VIT: variants seen among roughly 807,000 people sequenced by gnomAD.
The protein encoded by VIT is vitrin.
In VIT, 99 loss-of-function variants were observed where a neutral mutation model predicts 78.0. The observed-to-expected ratio is 1.27, with a 90% CI of 1.08 to 1.50. The LOEUF is 1.50. Ranked by LOEUF, VIT falls within the 40% of genes most tolerant of loss-of-function variation. VIT has a pLI of 0.00. For synonymous variants in VIT, 374 were observed against 334.3 expected (o/e 1.12, Z -1.29); for missense variants, 1,126 against 875.3 (o/e 1.29, Z -3.61).
chr2:36,735,160 C>G (rs1176754080), intron 3 of VIT, among the ~76,000 whole-genome samples: 1 of 150,202 alleles, frequency 6.7e-6, no homozygotes, highest in Non-Finnish European at 1.5e-5. Flanking sequence ...GACTCTGTCT[C>G]AAAGAAAAAG....
intron 12 of VIT, among the ~76,000 whole-genome samples, chr2:36,797,395 C>T (rs1029011065): frequency 2.0e-5 from 3 of 152,114 alleles, no homozygotes; most frequent in African/African-American, 7.2e-5. Flanking sequence ...AAAGCCCAAA[C>T]TTGGGGACGG....
At chr2:36,708,750 C>T (rs1385168035) in intron 1 of VIT, among the ~76,000 whole-genome samples, 1 of 152,164 alleles carries the variant, frequency 6.6e-6, no homozygotes, top group Non-Finnish European at 1.5e-5. Context: ...CCTCCCAGTC[C>T]CCACGTTTCA....
chr2:36,812,189 C>T (rs1046504816), intron 15 of VIT, among the ~76,000 whole-genome samples: 1 of 152,102 alleles, frequency 6.6e-6, no homozygotes, highest in Non-Finnish European at 1.5e-5. Context: ...AGGGGACTGG[C>T]AGCTTAAATG....
chr2:36,760,529 C>T (rs527298242), intron 6 of VIT, among the ~76,000 whole-genome samples: 1 of 152,250 alleles, frequency 6.6e-6, no homozygotes, highest in Non-Finnish European at 1.5e-5. Flanking sequence ...GCCTCGTGGG[C>T]CATTTCTGAG....
rs118052747 is a variant in VIT at position 36,738,243 on chromosome 2, A to T, written c.119-4857A>T. On this transcript the variant is annotated intron_variant, in intron 3 of 15. Transcript: ENST00000379242. ...AGCTGCAGTTTAACTTCTTCCCTTC[A>T]GTCATGGAAGTGGCAACCAGGTGGA... 1.2e-3 allele frequency among the ~76,000 whole-genome samples: 176 copies of T among 152,298 alleles called. 1 individual carries two copies. The South Asian group carries it at 0.019, about 17-fold the overall frequency.
rs143761133 is a variant in VIT at position 36,708,116 on chromosome 2, C to CA, written c.-18-8237_-18-8236insA. Reference sequence around the variant, plus strand: ...CACCACATTGTAAAGGACCTCCCCCCCCCGCCCACCTAGTGCCAGCTTCCT... The same window carrying CA: ...CACCACATTGTAAAGGACCTCCCCCCACCCGCCCACCTAGTGCCAGCTTCCT... On this transcript the variant is annotated intron_variant, in intron 1 of 15. Coordinates refer to ENST00000379242, the MANE Select transcript of VIT (RefSeq NM_053276.4). Among the ~76,000 whole-genome samples the CA allele has an allele frequency of 6.0e-3, 896 of 150,554 alleles. 4 individuals carry two copies. Among genetic ancestry groups the CA allele is most frequent in the African/African-American group, 0.021 (849 of 41,146 alleles).
At chr2:36,799,380 CCTGGATCCATTT>C (rs760226130) in intron 12 of VIT, among the ~76,000 whole-genome samples, 12 of 152,174 alleles carry the variant, frequency 7.9e-5, no homozygotes, top group Non-Finnish European at 1.5e-4. Context: ...ACCGCTTCTT[CCTGGATCCATTT>C]CTGGTGTTTG....
intron 3 of VIT, among the ~76,000 whole-genome samples, chr2:36,742,453 C>T (rs1016366062): frequency 1.3e-5 from 2 of 152,172 alleles, no homozygotes; most frequent in African/African-American, 2.4e-5. Context: ...ATTATGACTT[C>T]AGATCTAAGC....
At chr2:36,762,002 C>T (rs1452484795) in intron 6 of VIT, among the ~76,000 whole-genome samples, 2 of 152,144 alleles carry the variant, frequency 1.3e-5, no homozygotes, top group African/African-American at 4.8e-5. Context: ...TATGCAAACT[C>T]GGTATCACCT....
intron 2 of VIT, among the ~76,000 whole-genome samples, chr2:36,722,138 T>C (rs1434342687): frequency 6.6e-6 from 1 of 152,216 alleles, no homozygotes; most frequent in African/African-American, 2.4e-5. Context: ...TTAATTAATA[T>C]ATTTAAGAGG....
At chr2:36,697,981 G>T (rs748870028) in intron 1 of VIT, among the ~76,000 whole-genome samples, 2 of 152,300 alleles carry the variant, frequency 1.3e-5, no homozygotes, top group East Asian at 3.9e-4. Flanking sequence ...CTGCAGCAAA[G>T]CAGGATCAAA....
intron 14 of VIT, among the ~76,000 whole-genome samples, 160 bp downstream of exon 14, chr2:36,805,824 A>G (rs1666682073): frequency 6.6e-6 from 1 of 152,070 alleles, no homozygotes; most frequent in Non-Finnish European, 1.5e-5. Flanking sequence ...GAAACCTGCA[A>G]TTACCCTCTC....
Position 36,812,059 on chromosome 2 carries a change from G to A in VIT, c.1904-2124G>A, listed in dbSNP as rs2148690265. Among the ~76,000 whole-genome samples the A allele has an allele frequency of 3.3e-5, 5 of 152,338 alleles. No homozygotes were observed. The South Asian group carries it at 1.0e-3, about 32-fold the overall frequency. On this transcript the variant is annotated intron_variant, in intron 15 of 15. Coordinates refer to ENST00000379242, the MANE Select transcript of VIT (RefSeq NM_053276.4). ...TTGAGCGGGAAGGAGGGCTTAGACT[G>A]TCTAAACCCAGCTCTGCAGCAAAGC...
At chr2:36,772,295 G>A (rs941136242) in intron 7 of VIT, among the ~76,000 whole-genome samples, 3 of 152,044 alleles carry the variant, frequency 2.0e-5, no homozygotes, top group African/African-American at 2.4e-5. Context: ...CCAACACTTC[G>A]GGAGGCTAAG....
intron 6 of VIT, among the ~76,000 whole-genome samples, chr2:36,761,566 C>G (rs1428617053): frequency 4.6e-5 from 7 of 152,076 alleles, no homozygotes; most frequent in Admixed American, 3.3e-4. Flanking sequence ...TGGTGAAACT[C>G]CGTCTCTACT....
Position 36,754,402 on chromosome 2 carries a change from C to T in VIT, c.276-519C>T, listed in dbSNP as rs1407667210. Among the ~76,000 whole-genome samples the T allele has an allele frequency of 2.0e-5, 3 of 152,286 alleles. No individual in the cohort carries two copies. In the East Asian group the frequency reaches 5.8e-4, roughly 29 times the overall value. On this transcript the variant is annotated intron_variant, in intron 4 of 15. Transcript: ENST00000379242. Reference sequence around the variant, plus strand: ...TCACCGTCCCATCAGGATCTAAAACCTGGCAAAATCCCAGAAATTTAAAGA... The same window carrying T: ...TCACCGTCCCATCAGGATCTAAAACTTGGCAAAATCCCAGAAATTTAAAGA...
At chr2:36,803,191 C>T (rs1666455361) in intron 13 of VIT, among the ~76,000 whole-genome samples, 1 of 152,170 alleles carries the variant, frequency 6.6e-6, no homozygotes, top group Admixed American at 6.5e-5. Flanking sequence ...ACCCCAAGCA[C>T]CTCTGCGGAC....
At chr2:36,760,262 G>C (rs1669031178) in intron 6 of VIT, among the ~76,000 whole-genome samples, 1 of 152,118 alleles carries the variant, frequency 6.6e-6, no homozygotes, top group South Asian at 2.1e-4. Context: ...CAAAATGCTA[G>C]GATTACAGGC....
At chr2:36,713,491 G>A (rs1348112675) in intron 1 of VIT, among the ~76,000 whole-genome samples, 1 of 152,200 alleles carries the variant, frequency 6.6e-6, no homozygotes, top group Non-Finnish European at 1.5e-5. Context: ...GAGCCACTGT[G>A]GAGTGTCAGC....
Sources: allele counts gnomAD v4.1 joint callset (sites outside exome capture counted in the v4.1 genomes callset), GRCh38; gene constraint gnomAD v4.1.1; transcripts MANE v1.5; gene names NCBI Gene and HGNC (gene_info 2026-07-23, HGNC 2026-07-21).